The following ERICH1 variants were observed in gnomAD, a reference collection of about 807,000 sequenced individuals.
ERICH1 encodes glutamate rich 1, also known as glutamate-rich protein 1.
A neutral mutation model predicts 39.6 loss-of-function variants in ERICH1; 56 were observed. The ratio of observed to expected loss-of-function variants is 1.41; its 90% CI spans 1.14 to 1.77. The LOEUF is 1.77. Among genes scored for constraint, ERICH1 ranks in the 40% most tolerant of loss-of-function variants. ERICH1 has a pLI of 0.00. For synonymous variants in ERICH1, 313 were observed against 223.6 expected, an observed-to-expected ratio of 1.40 and a Z score of -3.57; for missense variants, 826 against 575.4, an observed-to-expected ratio of 1.44 and a Z score of -4.45.
intron 2 of ERICH1, among the ~76,000 whole-genome samples, chr8:699,605 T>C (rs1455550685): frequency 1.3e-5 from 2 of 152,128 alleles, no homozygotes; most frequent in South Asian, 2.1e-4. Context: ...TTTCATCATA[T>C]TTAAACAAGC....
At chr8:700,255 G>C (rs1044865141) in intron 2 of ERICH1, among the ~76,000 whole-genome samples, 1 of 40,302 alleles carries the variant, frequency 2.5e-5, no homozygotes, top group Non-Finnish European at 5.4e-5. Context: ...GCCCGCACAC[G>C]CGCACAGGCC....
chr8:634,745 G>A (rs1057099211), intron 3 of ERICH1, among the ~76,000 whole-genome samples: 5 of 152,186 alleles, frequency 3.3e-5, no homozygotes, highest in Non-Finnish European at 5.9e-5. Context: ...AGTCCCACGC[G>A]GGATGACCTT....
In ERICH1 at chr8:656,348, C is replaced by T. The variant is rs963170898; in HGVS notation, c.976+12250G>A. Among the ~76,000 whole-genome samples the T allele has an allele frequency of 2.0e-5, 3 of 152,290 alleles. No homozygotes were observed. The East Asian group carries it at 5.8e-4, about 29-fold the overall frequency. Reference sequence around the variant, plus strand: ...GAGGCTTCGGGACTCTCCCCTTCCCCAAAATATCTGACCCAGTGATTTTAA... The same window carrying T: ...GAGGCTTCGGGACTCTCCCCTTCCCTAAAATATCTGACCCAGTGATTTTAA... On this transcript the variant is annotated intron_variant, in intron 3 of 3. Coordinates refer to the ERICH1 transcript ENST00000522706.
At chr8:690,939 T>G (rs1808760802) in intron 3 of ERICH1, 2 of 152,288 alleles carry the variant, frequency 1.3e-5, no homozygotes, top group Non-Finnish European at 2.9e-5. Flanking sequence ...CAAAGGCTCT[T>G]CCTTCTTGTG....
intron 3 of ERICH1, among the ~76,000 whole-genome samples, chr8:689,872 T>C (rs1032204141): frequency 6.6e-6 from 1 of 152,204 alleles, no homozygotes; most frequent in Admixed American, 6.5e-5. Flanking sequence ...TGTAAATTCA[T>C]GTAGGGCAGT....
At chr8:720,366 C>T (rs939023639) in intron 1 of ERICH1, among the ~76,000 whole-genome samples, 5 of 152,248 alleles carry the variant, frequency 3.3e-5, no homozygotes, top group South Asian at 2.1e-4. Flanking sequence ...ATGCTGGCAC[C>T]GCGCCAGTGT....
At chr8:686,539 C>T (rs71512846) in intron 3 of ERICH1, 1 of 152,202 alleles carries the variant, frequency 6.6e-6, no homozygotes, top group South Asian at 2.1e-4. Context: ...CACCCACAGT[C>T]TTTAATCAAA....
chr8:667,492 CT>C (rs1325002868), intron 5 of ERICH1: 3 of 152,898 alleles, frequency 2.0e-5, no homozygotes, highest in Non-Finnish European at 4.4e-5. Flanking sequence ...TATCTGGCTT[CT>C]TTTCCAGCTC....
intron 4 of ERICH1, among the ~76,000 whole-genome samples, chr8:669,577 G>C (rs1703877): frequency 0.091 from 9,812 of 107,690 alleles, 429 homozygotes; most frequent in Middle Eastern, 0.16. Context: ...CCGTCTACAC[G>C]TCTGTCTGGT....
chr8:630,054 G>A (rs1396001453), intron 3 of ERICH1, among the ~76,000 whole-genome samples: 5 of 124,664 alleles, frequency 4.0e-5, no homozygotes, highest in African/African-American at 1.3e-4. Flanking sequence ...CACACAGACA[G>A]AGCTGACTCA....
chr8:638,601 C>T (rs1798644021), intron 3 of ERICH1, among the ~76,000 whole-genome samples: 1 of 152,146 alleles, frequency 6.6e-6, no homozygotes, highest in African/African-American at 2.4e-5. Flanking sequence ...TACAGTGAAA[C>T]TGTCTTGCGA....
In ERICH1 at chr8:718,274, C is replaced by T. The variant is rs185720531; in HGVS notation, c.23-2267G>A. Among the ~76,000 whole-genome samples the T allele has an allele frequency of 1.2e-3, 183 of 151,912 alleles. 2 individuals carry two copies. The highest frequency in any genetic ancestry group is 0.011 in the Admixed American group (171 of 15,270). On this transcript the variant is annotated intron_variant, in intron 1 of 5. Transcript: ENST00000262109. Reference sequence around the variant, plus strand: ...AGAAACCGCACAACACACCAGGGTACGGATTGGAGCGCACTGAGTCTGGCC... The same window carrying T: ...AGAAACCGCACAACACACCAGGGTATGGATTGGAGCGCACTGAGTCTGGCC...
At chr8:633,560 C>G (rs1005187094) in intron 3 of ERICH1, among the ~76,000 whole-genome samples, 2 of 152,166 alleles carry the variant, frequency 1.3e-5, no homozygotes, top group Non-Finnish European at 2.9e-5. Flanking sequence ...CATGGAATCT[C>G]AAGGGTTCCT....
chr8:719,690 T>C (rs1325356651), intron 1 of ERICH1, among the ~76,000 whole-genome samples: 1 of 152,200 alleles, frequency 6.6e-6, no homozygotes, highest in Non-Finnish European at 1.5e-5. Context: ...CCTTCCTCAC[T>C]CCTTCCATGT....
intron 3 of ERICH1, among the ~76,000 whole-genome samples, chr8:644,823 G>A (rs1204150201): frequency 1.5e-5 from 1 of 68,392 alleles, no homozygotes; most frequent in African/African-American, 3.7e-5. Context: ...GTGGGACAAG[G>A]TTTACCAGCA....
In ERICH1 at chr8:694,599, G is replaced by A. The variant is rs976968897; in HGVS notation, c.170-1987C>T. Among the ~76,000 whole-genome samples, 8 of 152,292 alleles carry A rather than the reference G, an allele frequency of 5.3e-5. No individual in the cohort carries two copies. In the South Asian group the frequency reaches 6.2e-4, roughly 12 times the overall value. Reference sequence around the variant, plus strand: ...CGGGCCAGGGCTGCACTTCTAAGCCGCAAGTGGCACCTCCTGCGACAGTCA... The same window carrying A: ...CGGGCCAGGGCTGCACTTCTAAGCCACAAGTGGCACCTCCTGCGACAGTCA... On this transcript the variant is annotated intron_variant, in intron 2 of 5. Transcript: ENST00000262109.
At chr8:721,949 T>C (rs2132414684) in intron 1 of ERICH1, among the ~76,000 whole-genome samples, 1 of 152,202 alleles carries the variant, frequency 6.6e-6, no homozygotes, top group South Asian at 2.1e-4. Flanking sequence ...CACAATGTGT[T>C]GAAAACAAAA....
At chr8:686,224 T>C (rs1029926950) in intron 3 of ERICH1, among the ~76,000 whole-genome samples, 4 of 152,162 alleles carry the variant, frequency 2.6e-5, no homozygotes, top group Non-Finnish European at 5.9e-5. Flanking sequence ...ATTAAACAAA[T>C]ATTAATATCT....
chr8:642,551 A>G (rs1437831413), intron 3 of ERICH1, among the ~76,000 whole-genome samples: 2 of 151,820 alleles, frequency 1.3e-5, no homozygotes, highest in Non-Finnish European at 2.9e-5. Flanking sequence ...TCACTGTGTT[A>G]GCCAGGATGG....
Sources: gnomAD v4.1 joint callset for allele counts (sites outside exome capture counted in the v4.1 genomes callset) on GRCh38, gnomAD v4.1.1 for gene constraint, MANE v1.5 for transcripts, NCBI Gene and HGNC (gene_info 2026-07-23, HGNC 2026-07-21) for gene names.